SPMIP2: variants seen among roughly 807,000 people sequenced by gnomAD.
SPMIP2 encodes sperm microtubule inner protein 2.
chr4:159,062,166 C>G, the SPMIP2 span, among the ~76,000 whole-genome samples: 16 of 152,176 alleles, frequency 1.1e-4, no homozygotes, highest in African/African-American at 3.6e-4. Context: ...GTCTTATCCC[C>G]GATTCCACTG....
At chr4:159,066,589 TTATATATA>T in the SPMIP2 span, among the ~76,000 whole-genome samples, 2,129 of 76,602 alleles carry the variant, frequency 0.028, 74 homozygotes, top group African/African-American at 0.087. Context: ...TGTGTGTATT[TTATATATA>T]TATATATATA....
At chr4:159,017,955 G>A in the SPMIP2 span, among the ~76,000 whole-genome samples, 9 of 152,312 alleles carry the variant, frequency 5.9e-5, no homozygotes, top group South Asian at 1.9e-3. Context: ...GGCTGCTTCA[G>A]GAGTGGATTG....
the SPMIP2 span, among the ~76,000 whole-genome samples, chr4:159,031,913 A>G: frequency 6.6e-6 from 1 of 152,196 alleles, no homozygotes; most frequent in African/African-American, 2.4e-5. Context: ...TGAAGTAATA[A>G]AAATGATTTT....
chr4:158,971,370 T>G, the SPMIP2 span, among the ~76,000 whole-genome samples: 1 of 152,222 alleles, frequency 6.6e-6, no homozygotes. Context: ...CTAAGTGGAA[T>G]AGGACACAGT....
At chr4:158,974,438 C>T in the SPMIP2 span, among the ~76,000 whole-genome samples, 1 of 152,220 alleles carries the variant, frequency 6.6e-6, no homozygotes, top group East Asian at 1.9e-4. Flanking sequence ...AGGTATTTCT[C>T]CCAATGCTAT....
chr4:158,991,029 C>T, the SPMIP2 span, among the ~76,000 whole-genome samples: 2 of 152,164 alleles, frequency 1.3e-5, no homozygotes, highest in African/African-American at 2.4e-5. Context: ...TCTCCTGTCT[C>T]AACCTCCCAA....
At chr4:159,047,516 T>C in the SPMIP2 span, among the ~76,000 whole-genome samples, 1 of 152,234 alleles carries the variant, frequency 6.6e-6, no homozygotes, top group Non-Finnish European at 1.5e-5. Context: ...TTTTATCTCC[T>C]AGTGCTTATC....
the SPMIP2 span, among the ~76,000 whole-genome samples, chr4:158,941,150 C>A: frequency 6.6e-6 from 1 of 152,094 alleles, no homozygotes; most frequent in African/African-American, 2.4e-5. Context: ...TACAGATAGA[C>A]AAATAGACAT....
the SPMIP2 span, among the ~76,000 whole-genome samples, chr4:158,985,817 T>C: frequency 6.6e-6 from 1 of 152,074 alleles, no homozygotes; most frequent in Non-Finnish European, 1.5e-5. Flanking sequence ...TAAAGGGTAT[T>C]CAATTAGGAA....
At chr4:158,949,094 T>C in the SPMIP2 span, among the ~76,000 whole-genome samples, 3 of 152,228 alleles carry the variant, frequency 2.0e-5, no homozygotes, top group Non-Finnish European at 4.4e-5. Context: ...TTAACTCACC[T>C]ATATAGTATA....
At chr4:159,039,276 T>C in the SPMIP2 span, among the ~76,000 whole-genome samples, 1 of 152,036 alleles carries the variant, frequency 6.6e-6, no homozygotes, top group Admixed American at 6.6e-5. Context: ...CTGGTTGGTG[T>C]TGGGTTTAAA....
At chr4:158,925,994 C>T in the SPMIP2 span, among the ~76,000 whole-genome samples, 2 of 152,128 alleles carry the variant, frequency 1.3e-5, no homozygotes, top group South Asian at 2.1e-4. Context: ...CTCATCCCAC[C>T]TTCATGATCT....
chr4:158,980,614 T>C, the SPMIP2 span, among the ~76,000 whole-genome samples: 3 of 152,212 alleles, frequency 2.0e-5, no homozygotes, highest in Admixed American at 6.5e-5. Context: ...CAGAGAGGCC[T>C]GACTGTTACA....
chr4:158,895,353 C>T, the SPMIP2 span, among the ~76,000 whole-genome samples: 9 of 152,064 alleles, frequency 5.9e-5, no homozygotes, highest in African/African-American at 1.9e-4. Context: ...ATGCAATTTG[C>T]TATGTGGTTA....
chr4:158,978,340 T>C, the SPMIP2 span, among the ~76,000 whole-genome samples: 3 of 152,338 alleles, frequency 2.0e-5, no homozygotes, highest in South Asian at 2.1e-4. Flanking sequence ...TCCAATTATG[T>C]GATCAATTTT....
the SPMIP2 span, among the ~76,000 whole-genome samples, chr4:159,031,719 T>C: frequency 6.6e-6 from 1 of 152,212 alleles, no homozygotes; most frequent in Non-Finnish European, 1.5e-5. Flanking sequence ...TGAAATAATA[T>C]GATATCTGGG....
At chr4:159,067,184 A>C in the SPMIP2 span, among the ~76,000 whole-genome samples, 63 of 152,346 alleles carry the variant, frequency 4.1e-4, no homozygotes, top group Non-Finnish European at 5.1e-4. Context: ...GATTAAGAAC[A>C]TAGAAAGACT....
chr4:158,932,566 CTG>C, the SPMIP2 span, among the ~76,000 whole-genome samples: 43 of 152,176 alleles, frequency 2.8e-4, no homozygotes, highest in African/African-American at 9.9e-4. Context: ...TTTCTATCGA[CTG>C]TTTTTTTCAC....
the SPMIP2 span, among the ~76,000 whole-genome samples, chr4:158,970,955 GA>G: frequency 6.6e-6 from 1 of 152,134 alleles, no homozygotes; most frequent in Admixed American, 6.6e-5. Flanking sequence ...CAATCTCAGA[GA>G]CAAAGAGGAC....
Sources: gnomAD v4.1 joint callset for allele counts (sites outside exome capture counted in the v4.1 genomes callset) on GRCh38, gnomAD v4.1.1 for gene constraint, MANE v1.5 for transcripts, NCBI Gene and HGNC (gene_info 2026-07-23, HGNC 2026-07-21) for gene names.